SHISA6: variants seen among roughly 807,000 people sequenced by gnomAD.
SHISA6 encodes the protein protein shisa-6.
Under a neutral mutation model 47.9 loss-of-function variants are expected in SHISA6, and 22 were observed. The observed-to-expected ratio is 0.46, with a 90% CI of 0.33 to 0.66. The LOEUF (loss-of-function observed/expected upper bound fraction) is 0.66, where lower values mean the gene tolerates loss of function less well. Ranked by LOEUF, SHISA6 falls within the 30% of genes least tolerant of loss-of-function variation. The pLI is 0.02. For synonymous variants in SHISA6, 388 were observed against 337.8 expected (o/e 1.15, Z -1.63); for missense variants, 680 against 764.6 (o/e 0.89, Z 1.30).
intron 1 of SHISA6, among the ~76,000 whole-genome samples, chr17:11,246,579 A>G (rs1045732299): frequency 1.1e-4 from 17 of 152,352 alleles, no homozygotes; most frequent in Non-Finnish European, 2.1e-4. Context: ...GGCTAGGGGA[A>G]GGATGCTGGG....
chr17:11,469,479 A>G (rs990587680), intron 3 of SHISA6, among the ~76,000 whole-genome samples: 5 of 152,192 alleles, frequency 3.3e-5, no homozygotes, highest in African/African-American at 1.2e-4. Context: ...CTGTCAGGTA[A>G]TAAGTTCCTG....
intron 2 of SHISA6, among the ~76,000 whole-genome samples, chr17:11,368,099 A>G (rs1287967137): frequency 6.6e-6 from 1 of 152,228 alleles, no homozygotes; most frequent in Admixed American, 6.5e-5. Context: ...AAGACGCTCT[A>G]TACACGTGAC....
At chr17:11,410,720 G>A (rs1473894043) in intron 3 of SHISA6, among the ~76,000 whole-genome samples, 1 of 152,166 alleles carries the variant, frequency 6.6e-6, no homozygotes, top group Admixed American at 6.5e-5. Flanking sequence ...TTAGTAGGTT[G>A]TCAAAGTGTG....
At chr17:11,449,534 G>A (rs192808202) in intron 3 of SHISA6, among the ~76,000 whole-genome samples, 6 of 152,246 alleles carry the variant, frequency 3.9e-5, no homozygotes, top group Non-Finnish European at 5.9e-5. Flanking sequence ...TGAATGATGC[G>A]TCTCTTGAAA....
At chr17:11,391,828 C>A (rs917324997) in intron 3 of SHISA6, among the ~76,000 whole-genome samples, 1 of 152,276 alleles carries the variant, frequency 6.6e-6, no homozygotes, top group East Asian at 1.9e-4. Context: ...CCTACTGCAT[C>A]GAATAAGGTG....
intron 1 of SHISA6, among the ~76,000 whole-genome samples, chr17:11,250,492 T>C (rs1907758753): frequency 6.6e-6 from 1 of 152,052 alleles, no homozygotes; most frequent in African/African-American, 2.4e-5. Flanking sequence ...GGAGCGAGGG[T>C]GGGGCAGGCT....
intron 5 of SHISA6, among the ~76,000 whole-genome samples, chr17:11,556,306 G>A (rs2071979174): frequency 6.6e-6 from 1 of 152,092 alleles, no homozygotes; most frequent in South Asian, 2.1e-4. Context: ...CCACAAACCA[G>A]CTCCTTCTCC....
intron 4 of SHISA6, among the ~76,000 whole-genome samples, chr17:11,554,831 G>A (rs570734239): frequency 1.9e-4 from 29 of 151,936 alleles, no homozygotes; most frequent in Non-Finnish European, 3.4e-4. Flanking sequence ...CTCCCTCACC[G>A]GCCCTGCATG....
intron 1 of SHISA6, among the ~76,000 whole-genome samples, chr17:11,250,351 A>G (rs1229768974): frequency 2.0e-5 from 3 of 152,140 alleles, no homozygotes; most frequent in Non-Finnish European, 4.4e-5. Flanking sequence ...GCCTTAGATG[A>G]TGTAGAAATA....
Position 11,241,972 on chromosome 17 carries a change from G to A in SHISA6, c.550G>A (p.Val184Met). ...TNFTVYITCG[V>M]IAFVIVAGVF... ...CTTCACCGTCTACATCACCTGCGGG[G>A]TGATCGCCTTCGTCATCGTGGCCGG... is the stretch of plus-strand genomic sequence containing the variant. The change falls in exon 1 of 6, where the codon GTG (valine) becomes ATG (methionine). Residue 184 changes from valine to methionine, a missense_variant. Transcript: ENST00000441885. This position sits in a 1 kb window ranked among gnomAD's most constrained non-coding sequence, Gnocchi z 5.5. The A allele has an allele frequency of 6.4e-7, 1 of 1,551,012 alleles. No individual in the cohort carries two copies. Among genetic ancestry groups the A allele is most frequent in the East Asian group, 2.4e-5 (1 of 40,896 alleles).
intron 2 of SHISA6, among the ~76,000 whole-genome samples, chr17:11,344,326 G>T (rs1307392976): frequency 2.0e-5 from 3 of 152,088 alleles, no homozygotes; most frequent in African/African-American, 7.2e-5. Context: ...TTAAAAATAT[G>T]ATGAAATACA....
At chr17:11,256,915 A>G (rs748060468) in intron 1 of SHISA6, among the ~76,000 whole-genome samples, 42 of 152,180 alleles carry the variant, frequency 2.8e-4, no homozygotes, top group Non-Finnish European at 5.4e-4. Flanking sequence ...ACAGGCACCC[A>G]CTGGGATGGA....
chr17:11,327,947 G>GTC (rs35735045), intron 2 of SHISA6, among the ~76,000 whole-genome samples: 30,821 of 150,604 alleles, frequency 0.2, 3,417 homozygotes, highest in African/African-American at 0.31. Flanking sequence ...CTGTCTCTCT[G>GTC]TCTCTCTCTC....
chr17:11,477,286 T>C (rs1916074123), intron 3 of SHISA6, among the ~76,000 whole-genome samples: 1 of 151,126 alleles, frequency 6.6e-6, no homozygotes, highest in Non-Finnish European at 1.5e-5. Flanking sequence ...GTTGGATTAG[T>C]ATCTACCATA....
intron 2 of SHISA6, among the ~76,000 whole-genome samples, chr17:11,374,251 A>G (rs1912719322): frequency 6.6e-6 from 1 of 151,932 alleles, no homozygotes; most frequent in African/African-American, 2.4e-5. Context: ...TTACTTTCTT[A>G]TTAATGTGAA....
chr17:11,284,891 T>G (rs1359909135), intron 2 of SHISA6, among the ~76,000 whole-genome samples: 1 of 152,238 alleles, frequency 6.6e-6, no homozygotes, highest in Admixed American at 6.5e-5. Context: ...TCCATTCCTC[T>G]GTCCACCTCT....
At chr17:11,319,859 A>T (rs9899974) in intron 2 of SHISA6, among the ~76,000 whole-genome samples, 1 of 152,102 alleles carries the variant, frequency 6.6e-6, no homozygotes, top group African/African-American at 2.4e-5. Context: ...GGCAGAAAGT[A>T]CATGTAAACA....
chr17:11,424,345 G>A (rs918518500), intron 3 of SHISA6, among the ~76,000 whole-genome samples: 1 of 152,052 alleles, frequency 6.6e-6, no homozygotes, highest in African/African-American at 2.4e-5. Context: ...CATCAACATA[G>A]GATTTTGTGT....
chr17:11,476,192 A>C (rs1438953156), intron 3 of SHISA6, among the ~76,000 whole-genome samples: 1 of 151,946 alleles, frequency 6.6e-6, no homozygotes. Context: ...TAGTTAGCTC[A>C]GCTAGAGGCT....
Sources: gnomAD v4.1 joint callset for allele counts (sites outside exome capture counted in the v4.1 genomes callset) on GRCh38, gnomAD v4.1.1 for gene constraint, Gnocchi (gnomAD v3.1) non-coding constraint, MANE v1.5 for transcripts, NCBI Gene and HGNC (gene_info 2026-07-23, HGNC 2026-07-21) for gene names.